The following DLGAP2 variants were observed in gnomAD, a reference collection of about 807,000 sequenced individuals.
DLGAP2 encodes DLG associated protein 2.
DLGAP2 carries 26 observed loss-of-function variants against 100.3 expected under a neutral mutation model. The ratio of observed to expected loss-of-function variants is 0.26; its 90% confidence interval spans 0.19 to 0.36. The LOEUF is 0.36. DLGAP2 is among the 10% of genes least tolerant of loss of function. The pLI is 1.00. For synonymous variants in DLGAP2, 886 were observed against 630.1 expected (o/e 1.41, Z -6.08); for missense variants, 1,858 against 1,453.2 (o/e 1.28, Z -4.53).
rs1801499508 is a variant in DLGAP2, at chr8:1,344,176, G to GCTGTCGTGGGTCCATGTATTCCGGGCC, written c.106+85306_106+85307insATGTATTCCGGGCCCTGTCGTGGGTCC. Among the ~76,000 whole-genome samples, 2 of 31,390 alleles carry GCTGTCGTGGGTCCATGTATTCCGGGCC rather than the reference G, an allele frequency of 6.4e-5. 1 individual carries two copies. Among genetic ancestry groups the GCTGTCGTGGGTCCATGTATTCCGGGCC allele is most frequent in the East Asian group, 2.8e-3 (2 of 710 alleles). 20.6% of individuals were successfully genotyped at this position (31,390 alleles called of 152,430 possible). A position where few individuals can be genotyped will look rare whatever the true frequency, so the allele number is the denominator to read the frequency against. On this transcript the variant is annotated intron_variant, in intron 3 of 14. Coordinates refer to ENST00000637795, the MANE Select transcript of DLGAP2 (RefSeq NM_001346810.2). ...TGTCGTGGGTCTTTGTACTCGGGGC[G>GCTGTCGTGGGTCCATGTATTCCGGGCC]CTGTCGTGGGTCCGTGTACTCGGGG...
intron 2 of DLGAP2, among the ~76,000 whole-genome samples, chr8:1,000,648 C>T (rs1312894385): frequency 6.6e-6 from 1 of 152,198 alleles, no homozygotes; most frequent in African/African-American, 2.4e-5. Flanking sequence ...ATTACTTTTC[C>T]TCTTGGTTAT....
intron 2 of DLGAP2, among the ~76,000 whole-genome samples, chr8:1,199,920 C>G (rs187062173): frequency 6.7e-6 from 1 of 149,778 alleles, no homozygotes; most frequent in African/African-American, 2.5e-5. Flanking sequence ...GTGATGACAG[C>G]CACGAGGTGG....
chr8:1,298,740 G>C (rs1287682809), intron 3 of DLGAP2, among the ~76,000 whole-genome samples: 3 of 152,212 alleles, frequency 2.0e-5, no homozygotes, highest in African/African-American at 7.2e-5. Flanking sequence ...AAAAGGGCAA[G>C]ACAATCCCTT....
chr8:1,680,968 G>T (rs146798120), intron 12 of DLGAP2: 2 of 152,294 alleles, frequency 1.3e-5, no homozygotes, highest in East Asian at 1.9e-4. Flanking sequence ...GATGAGACCT[G>T]CATGTCACTC....
At chr8:1,667,778 T>A (rs1798582223) in intron 8 of DLGAP2, among the ~76,000 whole-genome samples, 1 of 152,220 alleles carries the variant, frequency 6.6e-6, no homozygotes, top group African/African-American at 2.4e-5. Flanking sequence ...GAATCAGCAT[T>A]TTCCACGATG....
intron 3 of DLGAP2, among the ~76,000 whole-genome samples, chr8:1,346,429 CTGT>C (rs1801557854): frequency 6.8e-6 from 1 of 147,794 alleles, no homozygotes; most frequent in Non-Finnish European, 1.5e-5. Context: ...GTTGAGTTCC[CTGT>C]ACACATCTGC....
chr8:868,754 A>G (rs1797543724), intron 1 of DLGAP2, among the ~76,000 whole-genome samples: 1 of 152,032 alleles, frequency 6.6e-6, no homozygotes, highest in Non-Finnish European at 1.5e-5. Context: ...TTGCACAAAC[A>G]GTGTTCCCTC....
intron 2 of DLGAP2, among the ~76,000 whole-genome samples, chr8:1,095,327 C>A (rs1342602424): frequency 6.6e-6 from 1 of 152,238 alleles, no homozygotes; most frequent in Non-Finnish European, 1.5e-5. Context: ...CTCCCCACCA[C>A]CTGCCCTCTG....
chr8:841,073 C>T (rs565386235), intron 1 of DLGAP2, among the ~76,000 whole-genome samples: 1 of 152,288 alleles, frequency 6.6e-6, no homozygotes, highest in South Asian at 2.1e-4. Context: ...TTTTATTTCT[C>T]ATATATAAAT....
At chr8:1,103,874 G>T (rs1035386137) in intron 2 of DLGAP2, among the ~76,000 whole-genome samples, 1 of 152,202 alleles carries the variant, frequency 6.6e-6, no homozygotes, top group African/African-American at 2.4e-5. Flanking sequence ...TCAGTTCGAG[G>T]GGTCCCCGCA....
intron 3 of DLGAP2, among the ~76,000 whole-genome samples, chr8:1,405,440 T>G (rs112531663): frequency 4.5e-4 from 2 of 4,438 alleles, no homozygotes; most frequent in Non-Finnish European, 8.7e-4. Flanking sequence ...CTCGTCCTCC[T>G]GAGTCGTGTA....
At chr8:1,411,555 C>A (rs989437247) in intron 3 of DLGAP2, among the ~76,000 whole-genome samples, 35 of 152,172 alleles carry the variant, frequency 2.3e-4, no homozygotes, top group Admixed American at 2.1e-3. Context: ...GAGCCTTGGG[C>A]AGATTAAACG....
At chr8:1,632,211 A>G (rs1478764038) in intron 7 of DLGAP2, among the ~76,000 whole-genome samples, 1 of 152,254 alleles carries the variant, frequency 6.6e-6, no homozygotes, top group African/African-American at 2.4e-5. Context: ...AGCACATTTC[A>G]TGTGGACGAA....
At chr8:1,240,062 C>G (rs1299755053) in intron 2 of DLGAP2, among the ~76,000 whole-genome samples, 2 of 150,822 alleles carry the variant, frequency 1.3e-5, no homozygotes, top group Admixed American at 6.6e-5. Context: ...GGCGCCGTGT[C>G]TAGTTATCTC....
chr8:1,280,936 G>C (rs1799802157), intron 3 of DLGAP2, among the ~76,000 whole-genome samples: 1 of 152,248 alleles, frequency 6.6e-6, no homozygotes, highest in South Asian at 2.1e-4. Context: ...TGTATCAGAA[G>C]CTATATGGGG....
chr8:1,639,943 A>G (rs1797857868), intron 8 of DLGAP2, among the ~76,000 whole-genome samples: 1 of 152,122 alleles, frequency 6.6e-6, no homozygotes, highest in Non-Finnish European at 1.5e-5. Context: ...AAAATCCTGA[A>G]TTTACTCACA....
intron 2 of DLGAP2, among the ~76,000 whole-genome samples, chr8:955,685 A>G (rs549930099): frequency 1.3e-5 from 2 of 152,304 alleles, no homozygotes; most frequent in African/African-American, 4.8e-5. Flanking sequence ...TGTTCCAGAT[A>G]AACTTTTGAA....
At position 1,378,605 on chromosome 8, in the gene DLGAP2, T is replaced by C. The variant is rs1212998343; in HGVS notation, c.106+119722T>C. On this transcript the variant is annotated intron_variant, in intron 3 of 14. Transcript: ENST00000637795. ...CTCACCTGTCCATCCTGCTCACACC[T>C]GGCCTCACCTGTCTGTCCTGCGCAC... Among the ~76,000 whole-genome samples, 4 of 152,056 alleles carry C rather than the reference T, an allele frequency of 2.6e-5. 1 individual carries two copies. The highest frequency in any genetic ancestry group is 5.9e-5 in the Non-Finnish European group (4 of 67,996).
At chr8:1,378,862 G>T (rs999480697) in intron 3 of DLGAP2, among the ~76,000 whole-genome samples, 3 of 152,150 alleles carry the variant, frequency 2.0e-5, no homozygotes, top group African/African-American at 7.2e-5. Context: ...GTCCCCTTCA[G>T]GGCAGTGTGG....
Sources: gnomAD v4.1 joint callset for allele counts (sites outside exome capture counted in the v4.1 genomes callset) on GRCh38, gnomAD v4.1.1 for gene constraint, MANE v1.5 for transcripts, NCBI Gene and HGNC (gene_info 2026-07-23, HGNC 2026-07-21) for gene names.